Variants in RELN observed in about 807,000 individuals in gnomAD.
The protein encoded by RELN is reelin.
A neutral mutation model predicts 427.6 loss-of-function variants in RELN; 108 were observed. The observed-to-expected ratio is 0.25, with a 90% CI of 0.22 to 0.30. The LOEUF is 0.30. Among genes scored for constraint, RELN ranks in the 10% least tolerant of loss-of-function variants. The pLI is 1.00. For synonymous variants in RELN, 1,524 were observed against 1,513.4 expected, an observed-to-expected ratio of 1.01 and a Z score of -0.16; for missense variants, 3,715 against 4,302.8, an observed-to-expected ratio of 0.86 and a Z score of 3.82.
chr7:103,940,700 G>T (rs1796094235), intron 1 of RELN, among the ~76,000 whole-genome samples: 1 of 152,064 alleles, frequency 6.6e-6, no homozygotes, highest in Admixed American at 6.6e-5. Context: ...AACCTGAAAG[G>T]AACCAAATTG....
chr7:103,766,004 T>C (rs1054422193), intron 4 of RELN, among the ~76,000 whole-genome samples: 1 of 152,208 alleles, frequency 6.6e-6, no homozygotes, highest in African/African-American at 2.4e-5. Context: ...ACTATGGTCA[T>C]GTGAATCAGC....
In RELN at chr7:103,626,019, G is replaced by A. The variant is rs1832322119; in HGVS notation, c.2702+3921C>T. 6.6e-6 allele frequency among the ~76,000 whole-genome samples: 1 copy of A among 152,038 alleles called. No individual in the cohort carries two copies. The highest frequency in any genetic ancestry group is 6.6e-5 in the Admixed American group (1 of 15,258). On this transcript the variant is annotated intron_variant, in intron 20 of 64. Coordinates refer to ENST00000428762, the MANE Select transcript of RELN (RefSeq NM_005045.4). The surrounding 1 kb of genome is among the most constrained non-coding windows in gnomAD (Gnocchi z 4.4). ...GATGGCACTAGCTCATGAATGGGAT[G>A]AAAGACAAAGATGGGATGAATGGGT...
Position 103,524,288 on chromosome 7 carries a change from A to G in RELN, c.7350-757T>C. ...GGCTTGGGAACAGAACATGGGCTGG[A>G]TTTCAGCTTCCCACTTGCTCCCTAA... On this transcript the variant is annotated intron_variant, in intron 46 of 64. Coordinates refer to ENST00000428762, the MANE Select transcript of RELN (RefSeq NM_005045.4). Among the ~76,000 whole-genome samples the G allele has an allele frequency of 1.3e-5, 2 of 152,144 alleles. 1 individual carries two copies. The highest frequency in any genetic ancestry group is 2.9e-5 in the Non-Finnish European group (2 of 68,030).
chr7:103,519,423 T>G lies in RELN; in HGVS notation c.7762A>C (p.Asn2588His), dbSNP rs569919781. 1.1e-4 allele frequency: 179 copies of G among 1,613,694 alleles called. 6 individuals carry two copies. In the South Asian group the frequency reaches 1.7e-3, roughly 16 times the overall value. Reference sequence around the variant, plus strand: ...AAGAGAACACCTTGGTTACGGTTGTTTGGTGTAATCAGGCACCCATACATG... The same window carrying G: ...AAGAGAACACCTTGGTTACGGTTGTGTGGTGTAATCAGGCACCCATACATG... ...YFMYGCLITP[N>H]NRNQGVLLEY... Residue 2588 changes from asparagine (N) to histidine (H), a missense_variant, in exon 49 of 65, where the codon AAC becomes CAC. Asn to His is a moderately conservative substitution (Grantham distance 68). Around this residue, in one of 4 missense-constraint regions of RELN, gnomAD observed 1,310 missense variants for 1,643.0 expected, o/e 0.80. Transcript: ENST00000428762.
chr7:103,812,639 A>G (rs189212526), intron 3 of RELN, among the ~76,000 whole-genome samples: 38 of 152,304 alleles, frequency 2.5e-4, no homozygotes, highest in African/African-American at 9.1e-4. Flanking sequence ...CATATGACAA[A>G]GGCCAATCTT....
rs1480046355 is a variant in RELN at position 103,636,441 on chromosome 7, A to T, written c.2097T>A (p.Ala699=). The T allele has an allele frequency of 6.2e-7, 1 of 1,613,690 alleles. No homozygotes were observed. ...GGAATGTCTGGGATGCCATCTCACA[A>T]GCTGGGCCAGAAAATCCAGGGTCAC... The part of the protein sequence containing the change: ...CKCDPGFSGP[A]CEMASQTFPM... The change falls in exon 18 of 65, where the codon GCT becomes GCA. Residue 699 remains alanine (A), a synonymous_variant. Transcript: ENST00000428762.
chr7:103,780,070 C>G (rs1055778239), intron 3 of RELN, among the ~76,000 whole-genome samples: 7 of 152,210 alleles, frequency 4.6e-5, no homozygotes, highest in Non-Finnish European at 1.0e-4. Flanking sequence ...CTTGTATTCT[C>G]TACTCCAACC....
chr7:103,617,628 A>G (rs1832113713), intron 20 of RELN, among the ~76,000 whole-genome samples: 1 of 150,982 alleles, frequency 6.6e-6, no homozygotes, highest in Non-Finnish European at 1.5e-5. Flanking sequence ...ATACACATTT[A>G]TTATATATAT....
chr7:103,879,481 T>C (rs1584325797), intron 2 of RELN, among the ~76,000 whole-genome samples: 1 of 152,348 alleles, frequency 6.6e-6, no homozygotes, highest in East Asian at 1.9e-4. Context: ...CACACTTTCA[T>C]ATTCCACTGG....
intron 20 of RELN, among the ~76,000 whole-genome samples, chr7:103,617,374 G>C (rs1832105017): frequency 6.6e-6 from 1 of 152,062 alleles, no homozygotes; most frequent in Non-Finnish European, 1.5e-5. Context: ...AAACTTTTAA[G>C]TAGTGGAATA....
intron 41 of RELN, among the ~76,000 whole-genome samples, chr7:103,550,713 T>C (rs1016840114): frequency 7.9e-5 from 12 of 151,920 alleles, no homozygotes; most frequent in African/African-American, 2.9e-4. Flanking sequence ...GGCAGGTGTT[T>C]GAAAGTCATA....
intron 40 of RELN, among the ~76,000 whole-genome samples, chr7:103,551,907 C>A (rs2117154991): frequency 6.6e-6 from 1 of 151,400 alleles, no homozygotes; most frequent in Middle Eastern, 3.4e-3. Context: ...TATCTATCAC[C>A]TTCCATAGTT....
At chr7:103,891,081 CA>C (rs1409276050) in intron 2 of RELN, among the ~76,000 whole-genome samples, 2 of 151,728 alleles carry the variant, frequency 1.3e-5, no homozygotes, top group African/African-American at 2.4e-5. Flanking sequence ...GACTCTGTCT[CA>C]AAAAAACAAA....
intron 1 of RELN, among the ~76,000 whole-genome samples, chr7:103,934,775 G>A (rs1795943424): frequency 6.6e-6 from 1 of 152,228 alleles, no homozygotes. Context: ...GCACTTCACT[G>A]ATGTTGGATT....
chr7:103,972,389 A>G (rs1796782075), intron 1 of RELN, among the ~76,000 whole-genome samples: 2 of 152,230 alleles, frequency 1.3e-5, no homozygotes, highest in Admixed American at 6.5e-5. Context: ...GCGCTGGAAG[A>G]GCTTGGTCCT....
At chr7:103,910,400 T>C (rs1424962718) in intron 2 of RELN, among the ~76,000 whole-genome samples, 1 of 151,522 alleles carries the variant, frequency 6.6e-6, no homozygotes, top group East Asian at 2.0e-4. Flanking sequence ...TGAATACCCT[T>C]TATTTCCTTC....
intron 2 of RELN, among the ~76,000 whole-genome samples, chr7:103,835,425 C>T (rs903052363): frequency 6.6e-6 from 1 of 152,002 alleles, no homozygotes; most frequent in African/African-American, 2.4e-5. Flanking sequence ...AAGAGTGAAC[C>T]CTACTGTTAA....
rs973401951 is a variant in RELN at position 103,775,530 on chromosome 7, T to A, written c.544+1027A>T. On this transcript the variant is annotated intron_variant, in intron 4 of 64. Transcript: ENST00000428762. ...TTTCCTCATTTCTCTTGAAAGCCCA[T>A]CAGATATTCTTTAGCAGAGAGAAAA... Among the ~76,000 whole-genome samples, 3 of 152,178 alleles carry A rather than the reference T, an allele frequency of 2.0e-5. No individual in the cohort carries two copies. The South Asian group carries it at 6.2e-4, about 32-fold the overall frequency.
intron 1 of RELN, among the ~76,000 whole-genome samples, chr7:103,982,688 G>C (rs1797017036): frequency 6.6e-6 from 1 of 152,146 alleles, no homozygotes; most frequent in Admixed American, 6.5e-5. Context: ...GAAAGGCAGA[G>C]AGAGAGGACT....
Sources: allele counts gnomAD v4.1 joint callset (sites outside exome capture counted in the v4.1 genomes callset), GRCh38; gene constraint gnomAD v4.1.1; regional missense constraint gnomAD v4.1.1; non-coding constraint Gnocchi (gnomAD v3.1); transcripts MANE v1.5; gene names NCBI Gene and HGNC (gene_info 2026-07-23, HGNC 2026-07-21).